The following NHEJ1 variants were observed in gnomAD, a reference collection of about 807,000 sequenced individuals.
NHEJ1 encodes the protein non-homologous end joining factor 1, also known as non-homologous end-joining factor 1.
In NHEJ1, 22 loss-of-function variants were observed where a neutral mutation model predicts 39.4. The observed-to-expected ratio is 0.56, with a 90% CI of 0.40 to 0.80. The LOEUF is 0.80. NHEJ1 is among the 30% of genes least tolerant of loss of function. The pLI, the probability that NHEJ1 is intolerant of heterozygous loss-of-function variation, is 0.00. For synonymous variants in NHEJ1, 154 were observed against 135.6 expected (o/e 1.14, Z -0.94); for missense variants, 329 against 357.1 (o/e 0.92, Z 0.63).
intron 5 of NHEJ1, among the ~76,000 whole-genome samples, chr2:219,105,233 T>G (rs1286168815): frequency 6.6e-6 from 1 of 152,218 alleles, no homozygotes; most frequent in African/African-American, 2.4e-5. Flanking sequence ...AAGTATCAAC[T>G]GTCACTATAG....
chr2:219,074,402 T>C lies in NHEJ1; in HGVS notation c.*1979A>G, dbSNP rs940149690. ...GCAGGGGAAGCCTTTCCATTTTCCA[T>C]GTGCCTTGTAGATACTGAAATCTGA... is the stretch of plus-strand genomic sequence containing the variant. On this transcript the variant is annotated 3_prime_UTR_variant, in exon 8 of 8. Coordinates refer to ENST00000356853, the MANE Select transcript of NHEJ1 (RefSeq NM_024782.3). Among the ~76,000 whole-genome samples, 1 of 152,332 alleles carries C rather than the reference T, an allele frequency of 6.6e-6. No homozygotes were observed. The highest frequency in any genetic ancestry group is 1.9e-4 in the East Asian group (1 of 5,192).
chr2:219,155,272 G>T (rs900810750), intron 3 of NHEJ1, among the ~76,000 whole-genome samples: 1 of 151,678 alleles, frequency 6.6e-6, no homozygotes, highest in African/African-American at 2.4e-5. Flanking sequence ...TGTTTTAAAC[G>T]AAATAAAGTA....
chr2:219,132,668 T>C (rs1474639210), intron 5 of NHEJ1, among the ~76,000 whole-genome samples: 1 of 152,184 alleles, frequency 6.6e-6, no homozygotes, highest in Non-Finnish European at 1.5e-5. Flanking sequence ...GTGAAAGATC[T>C]AGCTGTGTCT....
chr2:219,152,789 TTTTATTTA>T (rs372977188), intron 3 of NHEJ1, among the ~76,000 whole-genome samples: 9 of 87,728 alleles, frequency 1.0e-4, no homozygotes, highest in African/African-American at 1.4e-4. Flanking sequence ...ATTTATTTAT[TTTTATTTA>T]TTTATTTATT....
chr2:219,118,818 G>A (rs952968670), intron 5 of NHEJ1, among the ~76,000 whole-genome samples: 4 of 152,216 alleles, frequency 2.6e-5, no homozygotes, highest in Non-Finnish European at 5.9e-5. Context: ...AAGGGAGTGG[G>A]GAAATTAGGG....
intron 5 of NHEJ1, among the ~76,000 whole-genome samples, chr2:219,122,960 C>A (rs939512398): frequency 6.6e-6 from 1 of 152,200 alleles, no homozygotes; most frequent in Non-Finnish European, 1.5e-5. Context: ...CCTATGCAAA[C>A]ACTGGGCACA....
intron 3 of NHEJ1, among the ~76,000 whole-genome samples, chr2:219,149,776 C>T (rs748923371): frequency 8.5e-5 from 13 of 152,210 alleles, no homozygotes; most frequent in South Asian, 6.2e-4. Flanking sequence ...TATAAAGGGC[C>T]AGATAGTTAA....
rs1441487265 is a variant in NHEJ1 at position 219,071,567 on chromosome 2, A to G, written c.*4814T>C. 6.6e-6 allele frequency among the ~76,000 whole-genome samples: 1 copy of G among 152,214 alleles called. No homozygotes were observed. Among genetic ancestry groups the G allele is most frequent in the African/African-American group, 2.4e-5 (1 of 41,450 alleles). ...ACAACACATTTCAGAAGGGACTCCCAGCAGCCCCTGAACCCTACTCCCCAA... is the reference window on the plus strand; with the variant it reads ...ACAACACATTTCAGAAGGGACTCCCGGCAGCCCCTGAACCCTACTCCCCAA... On this transcript the variant is annotated 3_prime_UTR_variant, in exon 8 of 8. Transcript: ENST00000356853.
At chr2:219,120,295 T>C (rs1266138498) in intron 5 of NHEJ1, among the ~76,000 whole-genome samples, 1 of 152,200 alleles carries the variant, frequency 6.6e-6, no homozygotes, top group Non-Finnish European at 1.5e-5. Context: ...ACAAGGTCCA[T>C]ACTCTCAGAA....
Position 219,094,445 on chromosome 2 carries a change from G to C in NHEJ1, c.589-16239C>G, listed in dbSNP as rs75144202. Among the ~76,000 whole-genome samples, 205 of 152,240 alleles carry C rather than the reference G, an allele frequency of 1.3e-3. 4 individuals are homozygous for C. In the East Asian group the frequency reaches 0.031, roughly 23 times the overall value. ...TCTGCAGAGGAGTCAAGATAGGCTT[G>C]ATTTGGAAGAAGTTTTCCTAAATGG... On this transcript the variant is annotated intron_variant, in intron 5 of 7. Transcript: ENST00000356853.
At chr2:219,155,077 G>C (rs982776985) in intron 3 of NHEJ1, among the ~76,000 whole-genome samples, 1 of 150,924 alleles carries the variant, frequency 6.6e-6, no homozygotes, top group African/African-American at 2.4e-5. Flanking sequence ...AACTATTAGA[G>C]CCCATCAGCC....
chr2:219,153,988 T>C (rs1407263225), intron 3 of NHEJ1, among the ~76,000 whole-genome samples: 1 of 152,226 alleles, frequency 6.6e-6, no homozygotes, highest in Non-Finnish European at 1.5e-5. Context: ...CACATTTACA[T>C]GCAGGAAAAG....
chr2:219,102,506 T>C (rs1949271113), intron 5 of NHEJ1: 1 of 149,812 alleles, frequency 6.7e-6, no homozygotes, highest in South Asian at 2.1e-4. Flanking sequence ...AGCCCAGGAG[T>C]TCTAGGCTGT....
chr2:219,131,078 C>T (rs1317928808), intron 5 of NHEJ1, among the ~76,000 whole-genome samples: 1 of 152,036 alleles, frequency 6.6e-6, no homozygotes, highest in Non-Finnish European at 1.5e-5. Context: ...GGCAACAGAG[C>T]GAGACTCTGT....
chr2:219,106,499 T>C (rs1949314835), intron 5 of NHEJ1, among the ~76,000 whole-genome samples: 1 of 151,956 alleles, frequency 6.6e-6, no homozygotes, highest in Non-Finnish European at 1.5e-5. Context: ...GGACGGGAGA[T>C]CAAAGCCCTG....
intron 5 of NHEJ1, among the ~76,000 whole-genome samples, chr2:219,141,523 T>G (rs1368691183): frequency 2.6e-5 from 4 of 151,920 alleles, no homozygotes; most frequent in African/African-American, 4.8e-5. Context: ...AAGAGGAAAG[T>G]GAGTGACTCC....
rs56715929 is a variant in NHEJ1 at position 219,158,100 on chromosome 2, G to A, written c.177+86C>T. On this transcript the variant is annotated intron_variant, in intron 2 of 7. Transcript: ENST00000356853. ...ACATTAACTGGAATTGTCTCAACCCGATTCAACCTTCCTTGGGAAACTACA... is the reference window on the plus strand; with the variant it reads ...ACATTAACTGGAATTGTCTCAACCCAATTCAACCTTCCTTGGGAAACTACA... The A allele has an allele frequency of 2.1e-3, 2,999 of 1,401,298 alleles. 40 individuals carry two copies. The African/African-American group carries it at 0.034, about 16-fold the overall frequency. 86.8% of individuals were successfully genotyped at this position (1,401,298 alleles called of 1,614,324 possible).
intron 3 of NHEJ1, among the ~76,000 whole-genome samples, chr2:219,152,789 T>TTATTTTTA (rs60094718): frequency 1.1e-5 from 1 of 87,736 alleles, no homozygotes; most frequent in African/African-American, 3.6e-5. Context: ...ATTTATTTAT[T>TTATTTTTA]TTTATTTATT....
intron 5 of NHEJ1, among the ~76,000 whole-genome samples, chr2:219,114,968 T>C (rs1574720684): frequency 6.6e-6 from 1 of 152,078 alleles, no homozygotes; most frequent in Non-Finnish European, 1.5e-5. Context: ...CAAAACTCCT[T>C]TGACTAATGT....
Sources: allele counts gnomAD v4.1 joint callset (sites outside exome capture counted in the v4.1 genomes callset), GRCh38; gene constraint gnomAD v4.1.1; transcripts MANE v1.5; gene names NCBI Gene and HGNC (gene_info 2026-07-23, HGNC 2026-07-21).